RBFOX1: variants seen among roughly 807,000 people sequenced by gnomAD.
The protein encoded by RBFOX1 is RNA binding protein fox-1 homolog 1.
A neutral mutation model predicts 57.7 loss-of-function variants in RBFOX1; 8 were observed. That is an observed-to-expected ratio of 0.14 (90% CI 0.08 to 0.25). The LOEUF is 0.25. RBFOX1 is among the 10% of genes least tolerant of loss of function. RBFOX1 has a pLI of 1.00. For missense variants in RBFOX1, 611 were observed against 548.5 expected, an observed-to-expected ratio of 1.11 and a Z score of -1.14; for synonymous variants, 326 against 222.4, an observed-to-expected ratio of 1.47 and a Z score of -4.15.
chr16:5,330,200 C>T (rs550042949), intron 1 of RBFOX1, among the ~76,000 whole-genome samples: 1 of 152,248 alleles, frequency 6.6e-6, no homozygotes, highest in Non-Finnish European at 1.5e-5. Flanking sequence ...GGGATATAAA[C>T]ATTAGTCCAT....
At chr16:5,602,837 G>GT (rs1278687281), downstream of RBFOX1, among the ~76,000 whole-genome samples, 1 of 152,144 alleles carries the variant, frequency 6.6e-6, no homozygotes, top group Admixed American at 6.5e-5. Context: ...ACTAATACTA[G>GT]TAATAGTAAT....
chr16:6,892,463 C>T (rs911148816), intron 3 of RBFOX1, among the ~76,000 whole-genome samples: 2 of 152,146 alleles, frequency 1.3e-5, no homozygotes, highest in East Asian at 1.9e-4. Context: ...TGAGGTCAGA[C>T]GTTTGAGACC....
intron 4 of RBFOX1, among the ~76,000 whole-genome samples, chr16:5,999,752 T>A (rs2060555903): frequency 2.6e-5 from 4 of 151,108 alleles, no homozygotes; most frequent in Admixed American, 1.3e-4. Flanking sequence ...TCCCAGCTAC[T>A]TGGGAGGCTG....
At chr16:6,372,361 G>A (rs999987670) in intron 2 of RBFOX1, among the ~76,000 whole-genome samples, 4 of 151,790 alleles carry the variant, frequency 2.6e-5, no homozygotes, top group African/African-American at 9.7e-5. Context: ...TCGGATGGAA[G>A]GATGGTTGGT....
chr16:6,737,843 G>A (rs1455610022), intron 3 of RBFOX1, among the ~76,000 whole-genome samples: 3 of 152,078 alleles, frequency 2.0e-5, no homozygotes, highest in Non-Finnish European at 4.4e-5. Flanking sequence ...GGACATTGCA[G>A]ACTTTTCCTA....
intron 1 of RBFOX1, among the ~76,000 whole-genome samples, chr16:5,336,476 G>A (rs968808841): frequency 6.6e-6 from 1 of 152,156 alleles, no homozygotes; most frequent in African/African-American, 2.4e-5. Context: ...ATGCATGGGG[G>A]TGCTGATCCT....
chr16:5,377,279 A>C lies in RBFOX1; in HGVS notation c.220-89937A>C, dbSNP rs543837028. On this transcript the variant is annotated intron_variant, in intron 1 of 2. Transcript: ENST00000585867. Reference sequence around the variant, plus strand: ...AGGAGTAGGGTAAGTGCTTTGAAGGAAGCTGCAGGATGCGGAGGGGTAGAG... The same window carrying C: ...AGGAGTAGGGTAAGTGCTTTGAAGGCAGCTGCAGGATGCGGAGGGGTAGAG... 1.5e-4 allele frequency among the ~76,000 whole-genome samples: 22 copies of C among 151,626 alleles called. No individual in the cohort carries two copies. The South Asian group carries it at 2.1e-3, about 14-fold the overall frequency.
intron 4 of RBFOX1, among the ~76,000 whole-genome samples, chr16:5,910,773 G>C (rs1020489323): frequency 6.6e-6 from 1 of 152,154 alleles, no homozygotes; most frequent in South Asian, 2.1e-4. Flanking sequence ...AACTTTGTTT[G>C]TTTGTTTTTG....
At chr16:7,052,180 CG>C in intron 4 of RBFOX1, 82 bp downstream of exon 4, 1 of 1,531,978 alleles carries the variant, frequency 6.5e-7, no homozygotes, top group Non-Finnish European at 8.7e-7. Context: ...TCCCAAGACA[CG>C]GGTTCTAAAT....
chr16:6,122,724 T>TG lies in RBFOX1; in HGVS notation c.-127+102735dup, dbSNP rs1162469011. On this transcript the variant is annotated intron_variant, in intron 1 of 15. Transcript: ENST00000550418. ...GGAGTAACTTTATCTTTTCAGTTAATGGGAAAAAAAAGCCACGGGACCTTT... is the reference window on the plus strand; with the variant it reads ...GGAGTAACTTTATCTTTTCAGTTAATGGGGAAAAAAAAGCCACGGGACCTTT... Among the ~76,000 whole-genome samples, 5 of 151,750 alleles carry TG rather than the reference T, an allele frequency of 3.3e-5. No individual in the cohort carries two copies. The East Asian group carries it at 9.7e-4, about 29-fold the overall frequency.
At chr16:7,398,036 G>A (rs988399757) in intron 4 of RBFOX1, among the ~76,000 whole-genome samples, 1 of 151,658 alleles carries the variant, frequency 6.6e-6, no homozygotes, top group African/African-American at 2.4e-5. Flanking sequence ...TATCCTCAGA[G>A]CAACTGTTTG....
At chr16:5,863,466 C>T (rs2057274876) in intron 3 of RBFOX1, among the ~76,000 whole-genome samples, 1 of 152,204 alleles carries the variant, frequency 6.6e-6, no homozygotes, top group African/African-American at 2.4e-5. Flanking sequence ...AAGAGCCCTC[C>T]ATCCTCCAGC....
At chr16:7,680,940 C>G (rs531069087) in intron 14 of RBFOX1, among the ~76,000 whole-genome samples, 1 of 151,998 alleles carries the variant, frequency 6.6e-6, no homozygotes, top group African/African-American at 2.4e-5. Flanking sequence ...TGGGGCCTCA[C>G]AAGGGACTTA....
chr16:7,697,568 G>A (rs1285882672), intron 14 of RBFOX1, among the ~76,000 whole-genome samples: 1 of 152,088 alleles, frequency 6.6e-6, no homozygotes, highest in Non-Finnish European at 1.5e-5. Context: ...ATATATGCAT[G>A]TATATATGTA....
intron 3 of RBFOX1, among the ~76,000 whole-genome samples, chr16:5,674,361 A>G (rs920792064): frequency 6.6e-6 from 1 of 152,226 alleles, no homozygotes. Context: ...TACAATGGGT[A>G]AAATATTCAT....
chr16:7,711,665 T>C lies in RBFOX1; in HGVS notation c.*920T>C, dbSNP rs960322573. 6.6e-6 allele frequency: 1 copy of C among 152,498 alleles called. No homozygotes were observed. Among genetic ancestry groups the C allele is most frequent in the African/African-American group, 2.4e-5 (1 of 41,410 alleles). 9.4% of individuals were successfully genotyped at this position (152,498 alleles called of 1,614,324 possible). A position where few individuals can be genotyped will look rare whatever the true frequency, so the allele number is the denominator to read the frequency against. ...AATTCTTTGTACCAGTTAAAAAAAATGTATAAAATTTACATCTGTGCAGTG... is the reference window on the plus strand; with the variant it reads ...AATTCTTTGTACCAGTTAAAAAAAACGTATAAAATTTACATCTGTGCAGTG... On this transcript the variant is annotated 3_prime_UTR_variant, in exon 16 of 16. Transcript: ENST00000550418.
At chr16:6,926,884 G>A (rs1393056960) in intron 3 of RBFOX1, among the ~76,000 whole-genome samples, 2 of 152,004 alleles carry the variant, frequency 1.3e-5, no homozygotes, top group South Asian at 2.1e-4. Flanking sequence ...TAGAACCTGC[G>A]CATTGTCCTA....
At chr16:6,837,043 C>A (rs146020160) in intron 3 of RBFOX1, among the ~76,000 whole-genome samples, 1 of 151,976 alleles carries the variant, frequency 6.6e-6, no homozygotes, top group African/African-American at 2.4e-5. Flanking sequence ...TACAGTAAGC[C>A]CAGGACAGGG....
At chr16:6,634,158 G>C (rs377573873) in intron 2 of RBFOX1, among the ~76,000 whole-genome samples, 4 of 152,222 alleles carry the variant, frequency 2.6e-5, no homozygotes, top group African/African-American at 9.6e-5. Context: ...AATTCATGGA[G>C]GTTCAGAATG....
Sources: gnomAD v4.1 joint callset for allele counts (sites outside exome capture counted in the v4.1 genomes callset) on GRCh38, gnomAD v4.1.1 for gene constraint, MANE v1.5 for transcripts, NCBI Gene and HGNC (gene_info 2026-07-23, HGNC 2026-07-21) for gene names.